The following TMEM232 variants were observed in gnomAD, a reference collection of about 807,000 sequenced individuals.
TMEM232 encodes the protein transmembrane protein 232.
A neutral mutation model predicts 78.8 loss-of-function variants in TMEM232; 80 were observed. That is an observed-to-expected ratio of 1.01 (90% confidence interval 0.85 to 1.22). TMEM232 has a LOEUF of 1.22. Ranked by LOEUF, TMEM232 falls within the 50% of genes most tolerant of loss-of-function variation. TMEM232 has a pLI of 0.00. For synonymous variants in TMEM232, 297 were observed against 254.3 expected (o/e 1.17, Z -1.60); for missense variants, 881 against 742.2 (o/e 1.19, Z -2.17).
chr5:110,453,517 G>A (rs1050298659), intron 12 of TMEM232, among the ~76,000 whole-genome samples: 11 of 186 alleles, frequency 0.059, no homozygotes, highest in Non-Finnish European at 0.07. Flanking sequence ...GGCCAGGATG[G>A]TCTTGATCTC....
Position 110,542,377 on chromosome 5 carries a change from T to C in TMEM232, c.1456-13542A>G, listed in dbSNP as rs75259177. Among the ~76,000 whole-genome samples the C allele has an allele frequency of 3.0e-3, 455 of 152,256 alleles. 4 individuals carry two copies. Among genetic ancestry groups the C allele is most frequent in the Non-Finnish European group, 2.3e-3 (157 of 68,008 alleles). ...CAGCATAAGTATCCAGCCCATGAAG[T>C]TCCCATTAAATCTTTTAACCAAATT... On this transcript the variant is annotated intron_variant, in intron 11 of 13. Coordinates refer to ENST00000455884, the MANE Select transcript of TMEM232 (RefSeq NM_001039763.4).
chr5:110,672,150 G>C (rs1381532297), intron 1 of TMEM232, among the ~76,000 whole-genome samples: 3 of 152,126 alleles, frequency 2.0e-5, no homozygotes, highest in African/African-American at 7.2e-5. Context: ...ATTTCACAGA[G>C]TTGGCTATAA....
At chr5:110,665,891 C>T (rs1197129983) in intron 2 of TMEM232, among the ~76,000 whole-genome samples, 1 of 63,802 alleles carries the variant, frequency 1.6e-5, no homozygotes, top group Non-Finnish European at 3.6e-5. Flanking sequence ...CCCATCTCCA[C>T]AAAAAAAAAA....
intron 1 of TMEM232, among the ~76,000 whole-genome samples, chr5:110,689,353 T>G (rs1793811851): frequency 6.6e-6 from 1 of 152,196 alleles, no homozygotes; most frequent in East Asian, 1.9e-4. Flanking sequence ...GATTCATAAC[T>G]ACTATGTAAA....
chr5:110,687,628 T>C (rs1248167475), intron 1 of TMEM232, among the ~76,000 whole-genome samples: 6 of 152,030 alleles, frequency 3.9e-5, no homozygotes, highest in Non-Finnish European at 1.5e-5. Flanking sequence ...ATCTATTGTT[T>C]TGGGAAAAAA....
At chr5:110,726,352 T>A (rs1008391207) in intron 1 of TMEM232, among the ~76,000 whole-genome samples, 4 of 152,022 alleles carry the variant, frequency 2.6e-5, no homozygotes, top group Non-Finnish European at 5.9e-5. Context: ...AGTTCCCACC[T>A]CCTTTATTCT....
chr5:110,569,008 C>T (rs767317919), intron 10 of TMEM232, among the ~76,000 whole-genome samples: 30 of 151,660 alleles, frequency 2.0e-4, no homozygotes, highest in South Asian at 4.1e-4. Flanking sequence ...GTAGAGAAAC[C>T]AGAAAAATAC....
chr5:110,621,439 T>C (rs947298372), intron 7 of TMEM232, among the ~76,000 whole-genome samples: 1 of 152,234 alleles, frequency 6.6e-6, no homozygotes, highest in South Asian at 2.1e-4. Flanking sequence ...TTAGACACTT[T>C]CATAACAATT....
intron 1 of TMEM232, among the ~76,000 whole-genome samples, chr5:110,706,656 T>C (rs1431427430): frequency 6.6e-6 from 1 of 152,184 alleles, no homozygotes; most frequent in South Asian, 2.1e-4. Flanking sequence ...GTACATCACA[T>C]TGAATATTCT....
chr5:110,491,374 T>A (rs550571240), intron 12 of TMEM232, among the ~76,000 whole-genome samples: 18 of 152,122 alleles, frequency 1.2e-4, no homozygotes, highest in South Asian at 8.3e-4. Flanking sequence ...GATGGGTATA[T>A]AAAATGGTGC....
chr5:110,565,540 T>C (rs1430809772), intron 11 of TMEM232, among the ~76,000 whole-genome samples: 1 of 151,970 alleles, frequency 6.6e-6, no homozygotes, highest in Non-Finnish European at 1.5e-5. Context: ...CATACAGTTT[T>C]CAAAAATAAG....
chr5:110,415,406 T>C (rs311705), downstream of TMEM232, among the ~76,000 whole-genome samples: 41,097 of 151,336 alleles, frequency 0.27, 9,199 homozygotes, highest in African/African-American at 0.61. Flanking sequence ...GCCAAGATGG[T>C]CTCGATCTCC....
intron 12 of TMEM232, among the ~76,000 whole-genome samples, chr5:110,430,418 C>G (rs1181776586): frequency 6.6e-6 from 1 of 151,178 alleles, no homozygotes; most frequent in African/African-American, 2.4e-5. Flanking sequence ...TTAATACTAT[C>G]CCTGAAGCAA....
chr5:110,398,252 G>A (rs1411361455), intron 2 of TMEM232, among the ~76,000 whole-genome samples: 1 of 152,096 alleles, frequency 6.6e-6, no homozygotes, highest in Non-Finnish European at 1.5e-5. Flanking sequence ...ATACTGATGG[G>A]AAAAATTTGA....
intron 12 of TMEM232, among the ~76,000 whole-genome samples, chr5:110,505,235 A>C (rs905137870): frequency 2.0e-5 from 3 of 152,142 alleles, no homozygotes; most frequent in African/African-American, 7.2e-5. Context: ...CACTGGACCA[A>C]AGGGCTCCTA....
intron 12 of TMEM232, among the ~76,000 whole-genome samples, chr5:110,521,513 C>G (rs2149500461): frequency 6.6e-6 from 1 of 152,220 alleles, no homozygotes; most frequent in South Asian, 2.1e-4. Flanking sequence ...GTGTCATATT[C>G]AAGAAAACAT....
At chr5:110,672,162 T>A (rs2150148355) in intron 1 of TMEM232, among the ~76,000 whole-genome samples, 1 of 152,308 alleles carries the variant, frequency 6.6e-6, no homozygotes, top group Admixed American at 6.5e-5. Context: ...TGGCTATAAT[T>A]AGTAATATTT....
At chr5:110,417,760 T>C (rs1756296368), downstream of TMEM232, 1 of 152,060 alleles carries the variant, frequency 6.6e-6, no homozygotes, top group Non-Finnish European at 1.5e-5. Context: ...TTTATTTAAC[T>C]AGTGTCTTTC....
downstream of TMEM232, among the ~76,000 whole-genome samples, chr5:110,417,511 C>G (rs1756268030): frequency 6.6e-6 from 1 of 151,434 alleles, no homozygotes; most frequent in South Asian, 2.1e-4. Context: ...GTTAAATGAA[C>G]TTTTTGGAAG....
Sources: gnomAD v4.1 joint callset for allele counts (sites outside exome capture counted in the v4.1 genomes callset) on GRCh38, gnomAD v4.1.1 for gene constraint, MANE v1.5 for transcripts, NCBI Gene and HGNC (gene_info 2026-07-23, HGNC 2026-07-21) for gene names.